TPH1: variants seen among roughly 807,000 people sequenced by gnomAD.
TPH1 encodes the protein tryptophan 5-hydroxylase 1.
TPH1 carries 37 observed loss-of-function variants against 49.5 expected under a neutral mutation model. The observed-to-expected ratio is 0.75, with a 90% CI of 0.58 to 0.98. The LOEUF is 0.98. Ranked by LOEUF, TPH1 falls within the 50% of genes least tolerant of loss-of-function variation. The pLI is 0.00. For synonymous variants in TPH1, 160 were observed against 182.1 expected, an observed-to-expected ratio of 0.88 and a Z score of 0.98; for missense variants, 487 against 523.6, an observed-to-expected ratio of 0.93 and a Z score of 0.68.
At position 18,022,874 on chromosome 11, in the gene TPH1, G is replaced by A. The variant is rs1410371669; in HGVS notation, c.1084C>T (p.Gln362Ter). ...KPFDPKITCK[Q>*]ECLITTFQDV... is the part of the protein sequence containing the mutation. The stretch of plus-strand genomic sequence containing the variant: ...TGAAAAGTTGTGATAAGACATTCCT[G>A]TTTGCAGGTAATCTTGGGATCAAAG... The change falls in exon 10 of 11, where the codon CAG becomes TAG. Residue 362 changes from glutamine to a stop codon, truncating the protein, a stop_gained. Coordinates refer to ENST00000682019, the MANE Select transcript of TPH1 (RefSeq NM_004179.3). LOFTEE classifies it high-confidence loss of function. 1 of 1,613,484 alleles carries A rather than the reference G, an allele frequency of 6.2e-7. No homozygotes were observed. Among genetic ancestry groups the A allele is most frequent in the Non-Finnish European group, 8.5e-7 (1 of 1,179,640 alleles).
rs567615456 is a variant in TPH1 at position 18,033,848 on chromosome 11, G to A, written c.302-474C>T. Among the ~76,000 whole-genome samples, 12 of 152,200 alleles carry A rather than the reference G, an allele frequency of 7.9e-5. No individual in the cohort carries two copies. The South Asian group carries it at 2.3e-3, about 29-fold the overall frequency. ...CACGCAAGCCCTCATAAGACTATGG[G>A]GTTTTATAAATGCTACTTTTCTGCC... On this transcript the variant is annotated intron_variant, in intron 3 of 10. Coordinates refer to ENST00000682019, the MANE Select transcript of TPH1 (RefSeq NM_004179.3).
At chr11:18,024,396 T>C (rs532894149) in intron 8 of TPH1, among the ~76,000 whole-genome samples, 139 of 152,274 alleles carry the variant, frequency 9.1e-4, no homozygotes, top group South Asian at 2.5e-3. Flanking sequence ...TTTCACAATG[T>C]TATAAACCTT....
At chr11:18,045,280 A>G (rs1848131060) in intron 1 of TPH1, among the ~76,000 whole-genome samples, 1 of 152,224 alleles carries the variant, frequency 6.6e-6, no homozygotes, top group Non-Finnish European at 1.5e-5. Context: ...ATGAAAGTGT[A>G]GATGAAATAC....
intron 7 of TPH1, 133 bp downstream of exon 7, chr11:18,026,357 G>T: frequency 2.4e-6 from 2 of 848,162 alleles, no homozygotes; most frequent in Non-Finnish European, 3.6e-6. Flanking sequence ...CATTCTAAAT[G>T]CTTCACATGT....
At chr11:18,021,190 C>A in intron 10 of TPH1, 25 bp from the exon 11 acceptor site, 1 of 1,605,072 alleles carries the variant, frequency 6.2e-7, no homozygotes, top group Non-Finnish European at 8.5e-7. Context: ...AAATAGGAGA[C>A]AATCAATTTC....
rs1424980455 is a variant in TPH1, at chr11:18,020,919, T to TG, written c.*71dup. 6 of 1,387,364 alleles carry TG rather than the reference T, an allele frequency of 4.3e-6. No individual in the cohort carries two copies. Among genetic ancestry groups the TG allele is most frequent in the Non-Finnish European group, 6.2e-6 (6 of 973,998 alleles). 85.9% of individuals were successfully genotyped at this position (1,387,364 alleles called of 1,614,324 possible). ...AAGATGCTGTCCCTCCAGGATCAGG[T>TG]GTTCAAGGAAAGCAAGAGATGGCCC... On this transcript the variant is annotated 3_prime_UTR_variant, in exon 11 of 11. Transcript: ENST00000682019.
At position 18,036,008 on chromosome 11, in the gene TPH1, G is replaced by A; in HGVS notation, c.252C>T (p.Thr84=). The A allele has an allele frequency of 1.9e-6, 3 of 1,612,468 alleles. No homozygotes were observed. In the South Asian group the frequency reaches 3.3e-5, roughly 18 times the overall value. ...NDIFHLLKSH[T]NVLSVNLPDN... is the part of the protein sequence containing the mutation. ...CTGGTAGATTCACAGAGAGAACATT[G>A]GTATGAGACTTCAGCAGATGAAAAA... Residue 84 remains threonine, a synonymous_variant, in exon 3 of 11, where the codon ACC becomes ACT. Transcript: ENST00000682019.
Position 18,029,641 on chromosome 11 carries a change from G to A in TPH1, c.403-62C>T, listed in dbSNP as rs1415250581. 5.2e-6 allele frequency: 7 copies of A among 1,355,200 alleles called. No homozygotes were observed. In the African/African-American group the frequency reaches 8.6e-5, roughly 17 times the overall value. 83.9% of individuals were successfully genotyped at this position (1,355,200 alleles called of 1,614,324 possible). On this transcript the variant is annotated intron_variant, in intron 4 of 10. Transcript: ENST00000682019. ...AAAAAATACTTGACAAATGATATTT[G>A]GGAAACATTTCATTATTACTAGAGC...
intron 6 of TPH1, among the ~76,000 whole-genome samples, chr11:18,028,037 C>A (rs1029483532): frequency 1.3e-5 from 2 of 152,218 alleles, no homozygotes; most frequent in Non-Finnish European, 2.9e-5. Context: ...CACAGCATAA[C>A]TGCTTTGTTT....
chr11:18,046,050 T>TC (rs958789820), intron 1 of TPH1, among the ~76,000 whole-genome samples, 191 bp downstream of exon 1: 2 of 152,072 alleles, frequency 1.3e-5, no homozygotes, highest in African/African-American at 4.8e-5. Flanking sequence ...GTGTCTTTTC[T>TC]CCCCAAACAG....
At chr11:18,033,220 T>C in intron 4 of TPH1, 54 bp downstream of exon 4, 1 of 1,387,036 alleles carries the variant, frequency 7.2e-7, no homozygotes, top group Non-Finnish European at 1.0e-6. Context: ...GCCACTGCAC[T>C]CCAGTCTGGA....
Position 18,040,359 on chromosome 11 carries a change from A to C in TPH1, c.117+287T>G, listed in dbSNP as rs1225612900. Among the ~76,000 whole-genome samples, 3 of 147,660 alleles carry C rather than the reference A, an allele frequency of 2.0e-5. No individual in the cohort carries two copies. The South Asian group carries it at 6.3e-4, about 31-fold the overall frequency. On this transcript the variant is annotated intron_variant, in intron 2 of 10. Coordinates refer to ENST00000682019, the MANE Select transcript of TPH1 (RefSeq NM_004179.3). ...TTATATATTTATATATTTTATCTAT[A>C]TATAAATATAGATATATATATAGAG...
chr11:18,022,745 T>G, intron 10 of TPH1, 53 bp downstream of exon 10: 1 of 1,602,668 alleles, frequency 6.2e-7, no homozygotes, highest in Non-Finnish European at 8.5e-7. Context: ...GTTACCATAA[T>G]GGGGCTGATC....
In TPH1 at chr11:18,046,160, T is replaced by C. The variant is rs564590109; in HGVS notation, c.-27+81A>G. Among the ~76,000 whole-genome samples, 3 of 152,292 alleles carry C rather than the reference T, an allele frequency of 2.0e-5. No individual in the cohort carries two copies. The East Asian group carries it at 5.8e-4, about 29-fold the overall frequency. On this transcript the variant is annotated intron_variant, in intron 1 of 10. Coordinates refer to ENST00000682019, the MANE Select transcript of TPH1 (RefSeq NM_004179.3). ...AATTTACCTCCCGGGAGGGTGACTC[T>C]GCCCAGCCCCGCGCCTGCCAAGCGC... is the stretch of plus-strand genomic sequence containing the variant.
chr11:18,040,384 G>C (rs1848088412), intron 2 of TPH1, among the ~76,000 whole-genome samples: 1 of 148,326 alleles, frequency 6.7e-6, no homozygotes, highest in Non-Finnish European at 1.5e-5. Flanking sequence ...TATATATAGA[G>C]AGAAAATCTC....
chr11:18,036,240 C>T, intron 2 of TPH1, 98 bp from the exon 3 acceptor site: 1 of 873,768 alleles, frequency 1.1e-6, no homozygotes, highest in South Asian at 1.5e-5. Flanking sequence ...CAGATTCACA[C>T]TTCTCAGAAC....
At chr11:18,029,054 TG>T in intron 6 of TPH1, 110 bp downstream of exon 6, 1 of 734,114 alleles carries the variant, frequency 1.4e-6, no homozygotes, top group Non-Finnish European at 2.1e-6. Context: ...TACTCCAGCC[TG>T]GGCAACAGAA....
At chr11:18,041,463 A>T (rs1043806524) in intron 1 of TPH1, 2 of 152,244 alleles carry the variant, frequency 1.3e-5, no homozygotes, top group South Asian at 2.1e-4. Flanking sequence ...CATGTTTATC[A>T]GTGTATGACC....
chr11:18,040,751 G>T lies in TPH1; in HGVS notation c.12C>A (p.Asp4Glu). 1 of 1,611,808 alleles carries T rather than the reference G, an allele frequency of 6.2e-7. No homozygotes were observed. The highest frequency in any genetic ancestry group is 8.5e-7 in the Non-Finnish European group (1 of 1,178,840). The part of the protein sequence containing the change: MIE[D>E]NKENKDHSLE... ...AGGAATGGTCTTTGTTCTCCTTATT[G>T]TCTTCAATCATGATGAATTTGGAGT... Residue 4 changes from aspartate (D) to glutamate (E), a missense_variant, in exon 2 of 11, where the codon GAC (aspartate) becomes GAA (glutamate). Coordinates refer to ENST00000682019, the MANE Select transcript of TPH1 (RefSeq NM_004179.3).
Sources: gnomAD v4.1 joint callset for allele counts (sites outside exome capture counted in the v4.1 genomes callset) on GRCh38, gnomAD v4.1.1 for gene constraint, MANE v1.5 for transcripts, NCBI Gene and HGNC (gene_info 2026-07-23, HGNC 2026-07-21) for gene names.